LMF1: variants seen among roughly 807,000 people sequenced by gnomAD.
LMF1 encodes lipase maturation factor 1, also known as transmembrane protein 112.
A neutral mutation model predicts 60.6 loss-of-function variants in LMF1; 68 were observed. The observed-to-expected ratio is 1.12, with a 90% CI of 0.92 to 1.37. LMF1 has a LOEUF of 1.37. LMF1 is among the 40% of genes most tolerant of loss of function. LMF1 has a pLI of 0.00. For missense variants in LMF1, 948 were observed against 767.2 expected (o/e 1.24, Z -2.78); for synonymous variants, 418 against 324.7 (o/e 1.29, Z -3.09).
chr16:964,215 G>A (rs950158284), intron 1 of LMF1: 2 of 440,062 alleles, frequency 4.5e-6, no homozygotes, highest in African/African-American at 2.1e-5. Flanking sequence ...AGAATCTCTT[G>A]AAATCGGAAG....
chr16:895,570 G>T (rs961078604), intron 4 of LMF1, among the ~76,000 whole-genome samples: 22 of 152,228 alleles, frequency 1.4e-4, no homozygotes, highest in Admixed American at 2.6e-4. Flanking sequence ...ACCTGGGCAG[G>T]GGAGGGGCGT....
At chr16:976,727 GAGC>G (rs1469724207) in intron 1 of LMF1, 2 of 454,156 alleles carry the variant, frequency 4.4e-6, no homozygotes, top group Non-Finnish European at 8.8e-6. Flanking sequence ...GACGGACGCT[GAGC>G]AGCAGGAGCA....
chr16:950,424 G>A (rs199880766), intron 2 of LMF1, among the ~76,000 whole-genome samples: 544 of 109,184 alleles, frequency 5.0e-3, no homozygotes, highest in African/African-American at 0.011. Flanking sequence ...CAGAGACAAC[G>A]ACAGAGTTAG....
Position 970,906 on chromosome 16 carries a change from C to G in LMF1, c.75G>C (p.Pro25=). ...CCGGCGCGGGCGGCGACTCAGGCTCCGGATCCGAGTACCCAGTCTTCCGCC... is the reference window on the plus strand; with the variant it reads ...CCGGCGCGGGCGGCGACTCAGGCTCGGGATCCGAGTACCCAGTCTTCCGCC... ...LRRRKTGYSD[P]EPESPPAPGR... is the part of the protein sequence containing the mutation. The change falls in exon 1 of 11, where the codon CCG becomes CCC. Residue 25 remains proline, a synonymous_variant. Coordinates refer to ENST00000262301, the MANE Select transcript of LMF1 (RefSeq NM_022773.4). 6.3e-7 allele frequency: 1 copy of G among 1,581,238 alleles called. No individual in the cohort carries two copies. The highest frequency in any genetic ancestry group is 1.7e-5 in the Admixed American group (1 of 57,300).
chr16:962,550 G>A lies in LMF1; in HGVS notation c.194-7884C>T, dbSNP rs1026650826. On this transcript the variant is annotated intron_variant, in intron 1 of 10. Coordinates refer to ENST00000262301, the MANE Select transcript of LMF1 (RefSeq NM_022773.4). This position sits in a 1 kb window ranked among gnomAD's most constrained non-coding sequence, Gnocchi z 4.5. Reference sequence around the variant, plus strand: ...ACCCTGATACGGTGTGACGGGAAGGGCCCCGCACCTCTGTGGGCGTCTTCC... The same window carrying A: ...ACCCTGATACGGTGTGACGGGAAGGACCCCGCACCTCTGTGGGCGTCTTCC... Among the ~76,000 whole-genome samples, 1 of 152,184 alleles carries A rather than the reference G, an allele frequency of 6.6e-6. No homozygotes were observed. Among genetic ancestry groups the A allele is most frequent in the Non-Finnish European group, 1.5e-5 (1 of 68,038 alleles).
chr16:885,665 CAGG>C (rs2070286255), intron 5 of LMF1, among the ~76,000 whole-genome samples: 1 of 152,194 alleles, frequency 6.6e-6, no homozygotes, highest in African/African-American at 2.4e-5. Context: ...CAATGTTCAT[CAGG>C]AGGTCAGAAG....
upstream of LMF1, among the ~76,000 whole-genome samples, chr16:973,637 G>A (rs1391280454): frequency 2.0e-5 from 3 of 152,212 alleles, no homozygotes; most frequent in Admixed American, 6.5e-5. Context: ...ACTGTGAGGT[G>A]CTAAACACCG....
chr16:977,431 C>G (rs1158927448), intron 1 of LMF1, among the ~76,000 whole-genome samples: 1 of 152,218 alleles, frequency 6.6e-6, no homozygotes, highest in East Asian at 1.9e-4. Context: ...CCTGCGCCGG[C>G]CCAGCCTGTA....
intron 4 of LMF1, among the ~76,000 whole-genome samples, chr16:905,515 T>G (rs187819984): frequency 6.6e-6 from 1 of 152,362 alleles, no homozygotes; most frequent in East Asian, 1.9e-4. Flanking sequence ...TAATAGCCAG[T>G]GCATCTGAGG....
intron 3 of LMF1, among the ~76,000 whole-genome samples, chr16:931,124 A>AG (rs2071770468): frequency 6.6e-6 from 1 of 152,184 alleles, no homozygotes. Flanking sequence ...CCATCTCAAA[A>AG]AAAAAAAAGG....
intron 3 of LMF1, among the ~76,000 whole-genome samples, chr16:931,151 G>A (rs1187278820): frequency 1.3e-5 from 2 of 152,140 alleles, no homozygotes; most frequent in Non-Finnish European, 2.9e-5. Context: ...ACCGCCCAGT[G>A]GGGAAGCCAC....
At chr16:880,756 C>T (rs947414928) in intron 5 of LMF1, among the ~76,000 whole-genome samples, 1 of 152,262 alleles carries the variant, frequency 6.6e-6, no homozygotes, top group Non-Finnish European at 1.5e-5. Flanking sequence ...GCCCAGGCCC[C>T]CACACGCTGT....
chr16:975,520 G>A (rs754797392), upstream of LMF1, among the ~76,000 whole-genome samples: 11 of 152,234 alleles, frequency 7.2e-5, 1 homozygote, highest in Admixed American at 6.5e-5. Context: ...TGTGTCGCCA[G>A]GCGGTGCTGT....
chr16:853,945 C>G lies in LMF1; in HGVS notation c.*587G>C, dbSNP rs1414482238. 1 of 454,022 alleles carries G rather than the reference C, an allele frequency of 2.2e-6. No individual in the cohort carries two copies. Among genetic ancestry groups the G allele is most frequent in the South Asian group, 1.6e-5 (1 of 64,478 alleles). 28.1% of individuals were successfully genotyped at this position (454,022 alleles called of 1,614,324 possible). On this transcript the variant is annotated 3_prime_UTR_variant, in exon 11 of 11. Coordinates refer to ENST00000262301, the MANE Select transcript of LMF1 (RefSeq NM_022773.4). ...TGTGTGTGCCTGCATGTGTGGGATG[C>G]GTGTAGGCTGTGGCGGGGGTGGAGA...
chr16:893,259 G>T, intron 4 of LMF1, 187 bp from the exon 5 acceptor site: 1 of 683,922 alleles, frequency 1.5e-6, no homozygotes. Flanking sequence ...GGCAGATTCA[G>T]GGCTGCTTTG....
intron 10 of LMF1, among the ~76,000 whole-genome samples, chr16:857,445 C>T (rs377120055): frequency 0.014 from 2,001 of 141,680 alleles, 71 homozygotes; most frequent in African/African-American, 0.051. Context: ...TGTCACGGGA[C>T]GGGTGTGAGT....
intron 4 of LMF1, among the ~76,000 whole-genome samples, chr16:894,559 C>T (rs1012177603): frequency 1.5e-4 from 23 of 152,180 alleles, no homozygotes; most frequent in Non-Finnish European, 3.1e-4. Flanking sequence ...GGCGCAGGTG[C>T]GACAAGGCGC....
In LMF1 at chr16:874,214, T is replaced by C. The variant is rs2069900079; in HGVS notation, c.898-2873A>G. ...TGTTTCATCACAACCGAAACACAGC[T>C]AAGGGCCGGTGAGCCCAGCTCTGGG... On this transcript the variant is annotated intron_variant, in intron 6 of 10. Transcript: ENST00000262301. The surrounding 1 kb of genome is among the most constrained non-coding windows in gnomAD (Gnocchi z 4.1). Among the ~76,000 whole-genome samples, 1 of 152,222 alleles carries C rather than the reference T, an allele frequency of 6.6e-6. No individual in the cohort carries two copies. The highest frequency in any genetic ancestry group is 2.1e-4 in the South Asian group (1 of 4,826).
rs1319869828 is a variant in LMF1 at position 934,238 on chromosome 16, AC to A, written c.514+5del. 1 of 1,599,134 alleles carries A rather than the reference AC, an allele frequency of 6.3e-7. No homozygotes were observed. Among genetic ancestry groups the A allele is most frequent in the African/African-American group, 1.3e-5 (1 of 75,060 alleles). ...GCAGAGCTTTCTCTAAATGCATCTCACTTACCGAAAGAGTACCTGAAAAACA... is the reference window on the plus strand; with the variant it reads ...GCAGAGCTTTCTCTAAATGCATCTCATTACCGAAAGAGTACCTGAAAAACA... On this transcript the variant is annotated splice_donor_5th_base_variant and intron_variant, in intron 3 of 10. Transcript: ENST00000262301.
Sources: allele counts gnomAD v4.1 joint callset (sites outside exome capture counted in the v4.1 genomes callset), GRCh38; gene constraint gnomAD v4.1.1; non-coding constraint Gnocchi (gnomAD v3.1); transcripts MANE v1.5; gene names NCBI Gene and HGNC (gene_info 2026-07-23, HGNC 2026-07-21).